GLI2: variants seen among roughly 807,000 people sequenced by gnomAD.
GLI2 encodes the protein transcription activator GLI2.
Under a neutral mutation model 78.9 loss-of-function variants are expected in GLI2, and 22 were observed. The ratio of observed to expected loss-of-function variants is 0.28; its 90% CI spans 0.20 to 0.40. The LOEUF (loss-of-function observed/expected upper bound fraction) is 0.40, where lower values mean the gene tolerates loss of function less well. Among genes scored for constraint, GLI2 ranks in the 10% least tolerant of loss-of-function variants. GLI2 has a pLI of 1.00. For synonymous variants in GLI2, 974 were observed against 963.7 expected, an observed-to-expected ratio of 1.01 and a Z score of -0.20; for missense variants, 2,097 against 2,213.2, an observed-to-expected ratio of 0.95 and a Z score of 1.05.
intron 2 of GLI2, among the ~76,000 whole-genome samples, chr2:120,922,298 G>T (rs1157181995): frequency 6.6e-6 from 1 of 152,176 alleles, no homozygotes; most frequent in Non-Finnish European, 1.5e-5. Context: ...TGAGCGGAAG[G>T]GTCTGGGCAG....
chr2:120,797,123 A>T (rs1326642044), intron 1 of GLI2, among the ~76,000 whole-genome samples, 168 bp from the exon 2 acceptor site: 1 of 152,216 alleles, frequency 6.6e-6, no homozygotes, highest in Non-Finnish European at 1.5e-5. Flanking sequence ...GACCAGACGA[A>T]TCCCAGGACT....
At chr2:120,900,836 G>A (rs1678217356) in intron 2 of GLI2, among the ~76,000 whole-genome samples, 1 of 152,182 alleles carries the variant, frequency 6.6e-6, no homozygotes, top group African/African-American at 2.4e-5. Context: ...TCCATGTTCA[G>A]GTTCAGAGTT....
At chr2:120,812,619 T>C (rs1465545928) in intron 2 of GLI2, among the ~76,000 whole-genome samples, 1 of 152,154 alleles carries the variant, frequency 6.6e-6, no homozygotes, top group African/African-American at 2.4e-5. Flanking sequence ...GGCCTCTCCC[T>C]ACCCTCACAC....
intron 1 of GLI2, among the ~76,000 whole-genome samples, chr2:120,773,237 G>T (rs1573363750): frequency 6.6e-6 from 1 of 152,274 alleles, no homozygotes; most frequent in African/African-American, 2.4e-5. Flanking sequence ...TGGGGGAAAA[G>T]GGGAGAAAGA....
intron 2 of GLI2, among the ~76,000 whole-genome samples, chr2:120,859,202 G>A (rs1232619334): frequency 2.6e-5 from 4 of 152,222 alleles, no homozygotes; most frequent in East Asian, 1.9e-4. Flanking sequence ...GGCCTTTGTC[G>A]TTTTTACAGG....
chr2:120,945,973 A>ACACACACACG (rs1680690921), intron 3 of GLI2, among the ~76,000 whole-genome samples: 1 of 151,552 alleles, frequency 6.6e-6, no homozygotes, highest in African/African-American at 2.4e-5. Flanking sequence ...ACACACACAC[A>ACACACACACG]CACACACACA....
At chr2:120,908,753 C>G (rs1049224374) in intron 2 of GLI2, among the ~76,000 whole-genome samples, 1 of 152,336 alleles carries the variant, frequency 6.6e-6, no homozygotes, top group South Asian at 2.1e-4. Flanking sequence ...CAGCTCCCAG[C>G]TCTAGCTTGT....
intron 1 of GLI2, among the ~76,000 whole-genome samples, chr2:120,736,826 C>A (rs916768219): frequency 6.6e-6 from 1 of 151,716 alleles, no homozygotes; most frequent in African/African-American, 2.4e-5. Flanking sequence ...CTTCCTCCCC[C>A]TCGCCCGGCC....
intron 2 of GLI2, among the ~76,000 whole-genome samples, chr2:120,919,214 T>G (rs937715123): frequency 7.9e-5 from 12 of 152,346 alleles, no homozygotes; most frequent in African/African-American, 2.9e-4. Context: ...TGGATGTTAC[T>G]TAATATGCAA....
At chr2:120,948,879 G>A (rs539799808) in intron 3 of GLI2, among the ~76,000 whole-genome samples, 7 of 152,274 alleles carry the variant, frequency 4.6e-5, no homozygotes, top group Admixed American at 2.0e-4. Context: ...GGAACCTGCC[G>A]TGCCTGGAGT....
At chr2:120,861,191 T>C (rs1687884392) in intron 2 of GLI2, among the ~76,000 whole-genome samples, 1 of 152,260 alleles carries the variant, frequency 6.6e-6, no homozygotes, top group South Asian at 2.1e-4. Context: ...TGAGGCCATG[T>C]AGCCCATGAG....
chr2:120,871,821 A>G (rs1398435888), intron 2 of GLI2, among the ~76,000 whole-genome samples: 4 of 152,192 alleles, frequency 2.6e-5, no homozygotes, highest in Non-Finnish European at 5.9e-5. Flanking sequence ...TAAATGAGTT[A>G]TTGTTGGAGA....
At chr2:120,918,338 T>A (rs1002080163) in intron 2 of GLI2, among the ~76,000 whole-genome samples, 1 of 152,180 alleles carries the variant, frequency 6.6e-6, no homozygotes. Flanking sequence ...AAAGTTCTCT[T>A]CATTACCATA....
intron 3 of GLI2, among the ~76,000 whole-genome samples, chr2:120,950,212 G>A (rs2104946615): frequency 6.6e-6 from 1 of 152,216 alleles, no homozygotes; most frequent in East Asian, 1.9e-4. Flanking sequence ...GATGTGGCTG[G>A]GATTCTAACC....
At chr2:120,824,280 A>G (rs1400086935) in intron 2 of GLI2, among the ~76,000 whole-genome samples, 2 of 152,204 alleles carry the variant, frequency 1.3e-5, no homozygotes, top group Non-Finnish European at 2.9e-5. Flanking sequence ...AGGAAGAGGG[A>G]GGCAGCAACA....
chr2:120,754,348 C>T lies in GLI2; in HGVS notation c.-31+18063C>T, dbSNP rs1000221858. ...AAATGTACAGTTTGATAAAGTTTGA[C>T]TCGTGTGTGCAAACCATCACCATAA... On this transcript the variant is annotated intron_variant, in intron 1 of 13. Transcript: ENST00000361492. Among the ~76,000 whole-genome samples the T allele has an allele frequency of 5.9e-5, 9 of 152,072 alleles. 1 individual carries two copies. The highest frequency in any genetic ancestry group is 3.9e-4 in the Admixed American group (6 of 15,262).
At chr2:120,808,641 G>A (rs143656647) in intron 2 of GLI2, among the ~76,000 whole-genome samples, 56 of 152,278 alleles carry the variant, frequency 3.7e-4, no homozygotes, top group African/African-American at 1.3e-3. Flanking sequence ...GGCCCTCTAC[G>A]CCATGTTGGT....
chr2:120,930,260 T>G (rs1679885941), intron 3 of GLI2, among the ~76,000 whole-genome samples: 1 of 152,248 alleles, frequency 6.6e-6, no homozygotes. Context: ...ATAACTGACC[T>G]TGTGAACCGG....
At chr2:120,893,677 A>G (rs1260263911) in intron 2 of GLI2, among the ~76,000 whole-genome samples, 1 of 151,972 alleles carries the variant, frequency 6.6e-6, no homozygotes, top group Admixed American at 6.5e-5. Context: ...AAGGAAAAAG[A>G]AAAGCAAAAC....
Sources: gnomAD v4.1 joint callset for allele counts (sites outside exome capture counted in the v4.1 genomes callset) on GRCh38, gnomAD v4.1.1 for gene constraint, MANE v1.5 for transcripts, NCBI Gene and HGNC (gene_info 2026-07-23, HGNC 2026-07-21) for gene names.